PHGDH: variants seen among roughly 807,000 people sequenced by gnomAD.
The protein encoded by PHGDH is phosphoglycerate dehydrogenase, also known as D-3-phosphoglycerate dehydrogenase.
In PHGDH, 50 loss-of-function variants were observed where a neutral mutation model predicts 52.6. The observed-to-expected ratio is 0.95, with a 90% CI of 0.76 to 1.20. The LOEUF is 1.20. PHGDH is among the 50% of genes most tolerant of loss of function. The pLI is 0.00. For synonymous variants in PHGDH, 271 were observed against 280.5 expected (o/e 0.97, Z 0.34); for missense variants, 630 against 684.6 (o/e 0.92, Z 0.89).
intron 5 of PHGDH, among the ~76,000 whole-genome samples, chr1:119,732,793 G>A (rs917169437): frequency 1.3e-5 from 2 of 152,218 alleles, no homozygotes; most frequent in Admixed American, 6.5e-5. Context: ...TGTGGAGGGG[G>A]CCAGGTTCAG....
Position 119,723,457 on chromosome 1 carries a change from C to A in PHGDH, c.356+16C>A. On this transcript the variant is annotated intron_variant, in intron 3 of 11. Coordinates refer to ENST00000641023, the MANE Select transcript of PHGDH (RefSeq NM_006623.4). ...GCCTGGCCAGGTAAGTCCCTGACTT[C>A]TCAGCAAAGCTAGTCTCTCCGATAT... 1.3e-6 allele frequency: 2 copies of A among 1,594,392 alleles called. No individual in the cohort carries two copies. The highest frequency in any genetic ancestry group is 1.1e-5 in the South Asian group (1 of 90,704).
chr1:119,741,578 G>A (rs1216777011), intron 9 of PHGDH, among the ~76,000 whole-genome samples, 189 bp from the exon 10 acceptor site: 1 of 152,158 alleles, frequency 6.6e-6, no homozygotes, highest in Non-Finnish European at 1.5e-5. Flanking sequence ...TGGGTTTCCT[G>A]GCTTGGGCCC....
At chr1:119,726,051 C>A (rs922851272) in intron 3 of PHGDH, among the ~76,000 whole-genome samples, 1 of 152,064 alleles carries the variant, frequency 6.6e-6, no homozygotes, top group Non-Finnish European at 1.5e-5. Context: ...TGACCCATGC[C>A]CACAGGACAT....
chr1:119,742,003 G>A (rs995190479), intron 10 of PHGDH, 106 bp downstream of exon 10: 1 of 948,806 alleles, frequency 1.1e-6, no homozygotes, highest in Non-Finnish European at 1.7e-6. Context: ...TCCCAGCCTT[G>A]CATCGGCCTG....
At position 119,721,019 on chromosome 1, in the gene PHGDH, A is replaced by C. The variant is rs375063291; in HGVS notation, c.139-151A>C. The C allele has an allele frequency of 2.4e-5, 19 of 781,518 alleles. 2 individuals are homozygous for C. The South Asian group carries it at 2.7e-4, about 11-fold the overall frequency. The allele number at this position is 781,518 out of a possible 1,614,324, so 48.4% of individuals were successfully genotyped here. A position where few individuals can be genotyped will look rare whatever the true frequency, so the allele number is the denominator to read the frequency against. ...CCTAGCCCACATTTCCCTAGTGAGTATACCAAAGATATCTATGAACTGGCA... is the reference window on the plus strand; with the variant it reads ...CCTAGCCCACATTTCCCTAGTGAGTCTACCAAAGATATCTATGAACTGGCA... On this transcript the variant is annotated intron_variant, in intron 1 of 11. Coordinates refer to ENST00000641023, the MANE Select transcript of PHGDH (RefSeq NM_006623.4).
rs2101171013 is a variant in PHGDH, at chr1:119,726,831, A to G, written c.357-20A>G. 1 of 1,611,322 alleles carries G rather than the reference A, an allele frequency of 6.2e-7. No homozygotes were observed. Among genetic ancestry groups the G allele is most frequent in the Non-Finnish European group, 8.5e-7 (1 of 1,177,934 alleles). ...GCGGGAGTCCGAATGGACCCTCTGA[A>G]CCTGTGTCTATCCTTGCAGGCAGAT... On this transcript the variant is annotated intron_variant, in intron 3 of 11. Transcript: ENST00000641023.
intron 5 of PHGDH, among the ~76,000 whole-genome samples, chr1:119,732,425 C>T (rs949748202): frequency 1.3e-5 from 2 of 152,138 alleles, no homozygotes; most frequent in Non-Finnish European, 2.9e-5. Context: ...ATGGTGGGTA[C>T]CCAGAGGTGC....
At position 119,734,699 on chromosome 1, in the gene PHGDH, C is replaced by T. The variant is rs1557976887; in HGVS notation, c.576C>T (p.Pro192=). ...CCTCCTTTGGTGTTCAGCAGCTGCC[C>T]CTGGAGGAGATCTGGCCTCTCTGTG... is the stretch of plus-strand genomic sequence containing the variant. ...VSASFGVQQL[P]LEEIWPLCDF... is the part of the protein sequence containing the mutation. Residue 192 remains proline (P), a synonymous_variant, in exon 6 of 12, where the codon CCC becomes CCT. Transcript: ENST00000641023. 6.2e-7 allele frequency: 1 copy of T among 1,614,002 alleles called. No individual in the cohort carries two copies.
In PHGDH at chr1:119,741,767, G is replaced by A; in HGVS notation, c.1079G>A (p.Gly360Glu). 1 of 1,613,750 alleles carries A rather than the reference G, an allele frequency of 6.2e-7. No individual in the cohort carries two copies. Among genetic ancestry groups the A allele is most frequent in the Non-Finnish European group, 8.5e-7 (1 of 1,179,660 alleles). Reference protein sequence around the residue: ...PKGTIQVITQGTSLKNAGNCL... With the variant: ...PKGTIQVITQETSLKNAGNCL... ...CATGGTAGCTTCTCTCTGTCCCCAG[G>A]AACATCCCTGAAGAATGCTGGGAAC... Residue 360 changes from glycine (G) to glutamate (E), a missense_variant and splice_region_variant, in exon 10 of 12, where the codon GGA becomes GAA. Transcript: ENST00000641023.
At chr1:119,728,704 T>C (rs1030421600) in intron 5 of PHGDH, among the ~76,000 whole-genome samples, 1 of 152,176 alleles carries the variant, frequency 6.6e-6, no homozygotes, top group African/African-American at 2.4e-5. Flanking sequence ...GCTTCCCAGA[T>C]AGGCCAAAGA....
chr1:119,733,062 A>C (rs940264519), intron 5 of PHGDH, among the ~76,000 whole-genome samples: 4 of 152,162 alleles, frequency 2.6e-5, no homozygotes, highest in African/African-American at 7.2e-5. Flanking sequence ...TCTCCTCCCC[A>C]CCAGAAATGA....
Position 119,712,058 on chromosome 1 carries a change from T to A in PHGDH, c.36T>A (p.Ser12Arg). 1 of 1,614,188 alleles carries A rather than the reference T, an allele frequency of 6.2e-7. No homozygotes were observed. The highest frequency in any genetic ancestry group is 8.5e-7 in the Non-Finnish European group (1 of 1,180,020). The stretch of plus-strand genomic sequence containing the variant: ...CAAATCTGCGGAAAGTGCTCATCAG[T>A]GACAGCCTGGACCCTTGCTGCCGGA... ...AFANLRKVLI[S>R]DSLDPCCRKI... The change falls in exon 1 of 12, where the codon AGT becomes AGA. Residue 12 changes from serine (S) to arginine (R), a missense_variant. Coordinates refer to ENST00000641023, the MANE Select transcript of PHGDH (RefSeq NM_006623.4).
intron 5 of PHGDH, 71 bp downstream of exon 5, chr1:119,727,173 C>T: frequency 1.1e-6 from 1 of 881,292 alleles, no homozygotes; most frequent in Non-Finnish European, 1.9e-6. Context: ...CATGTCTGGG[C>T]AGAAGCCAGA....
At chr1:119,721,351 G>A (rs894904203) in intron 2 of PHGDH, 30 bp downstream of exon 2, 2 of 1,608,766 alleles carry the variant, frequency 1.2e-6, no homozygotes, top group Admixed American at 1.7e-5. Context: ...GGCGGTTTGG[G>A]GGTAGGGGGG....
In PHGDH at chr1:119,726,925, C is replaced by T. The variant is rs762365910; in HGVS notation, c.411+20C>T. 2.4e-5 allele frequency: 39 copies of T among 1,612,934 alleles called. No individual in the cohort carries two copies. Among genetic ancestry groups the T allele is most frequent in the South Asian group, 3.3e-5 (3 of 91,078 alleles). ...AAGAAGGTGAGCAGCGGCCTTGACT[C>T]GCCCCACCTGGGCTCAGGGCCCGGG... On this transcript the variant is annotated intron_variant, in intron 4 of 11. Coordinates refer to ENST00000641023, the MANE Select transcript of PHGDH (RefSeq NM_006623.4).
intron 5 of PHGDH, among the ~76,000 whole-genome samples, chr1:119,734,067 CCT>C (rs1357835146): frequency 6.6e-6 from 1 of 152,150 alleles, no homozygotes; most frequent in African/African-American, 2.4e-5. Context: ...GCCTTGTACC[CCT>C]GTTGTCCTCC....
At chr1:119,732,917 C>T (rs959481582) in intron 5 of PHGDH, among the ~76,000 whole-genome samples, 2 of 152,146 alleles carry the variant, frequency 1.3e-5, no homozygotes, top group African/African-American at 4.8e-5. Flanking sequence ...TTCCTCTCCC[C>T]ACTCCATATG....
rs1160328405 is a variant in PHGDH at position 119,727,091 on chromosome 1, T to A, written c.499T>A (p.Phe167Ile). ...GREVATRMQS[F>I]GMKTIGYDPI... ...AGAGGTAGCTACCCGGATGCAGTCC[T>A]TTGGGATGAAGGTAAGATGTTGCTG... The change falls in exon 5 of 12, where the codon TTT becomes ATT. Residue 167 changes from phenylalanine (F) to isoleucine (I), a missense_variant. Coordinates refer to ENST00000641023, the MANE Select transcript of PHGDH (RefSeq NM_006623.4). 6.3e-7 allele frequency: 1 copy of A among 1,596,068 alleles called. No homozygotes were observed. The highest frequency in any genetic ancestry group is 1.7e-5 in the Admixed American group (1 of 60,008).
chr1:119,718,141 G>C (rs1651010077), intron 1 of PHGDH, among the ~76,000 whole-genome samples: 1 of 152,190 alleles, frequency 6.6e-6, no homozygotes, highest in Admixed American at 6.5e-5. Flanking sequence ...TTGTTAGGGA[G>C]CTTCTGCCAT....
Sources: gnomAD v4.1 joint callset for allele counts (sites outside exome capture counted in the v4.1 genomes callset) on GRCh38, gnomAD v4.1.1 for gene constraint, MANE v1.5 for transcripts, NCBI Gene and HGNC (gene_info 2026-07-23, HGNC 2026-07-21) for gene names.